TRPC4: variants seen among roughly 807,000 people sequenced by gnomAD.
The protein encoded by TRPC4 is short transient receptor potential channel 4.
In TRPC4, 49 loss-of-function variants were observed where a neutral mutation model predicts 99.4. The observed-to-expected ratio is 0.49, with a 90% CI of 0.39 to 0.63. TRPC4 has a LOEUF of 0.63. Among genes scored for constraint, TRPC4 ranks in the 20% least tolerant of loss-of-function variants. The probability of loss-of-function intolerance (pLI) is 0.00; values close to 1 mark genes in which losing one functional copy is unlikely to be tolerated. For missense variants in TRPC4, 898 were observed against 1,152.9 expected (o/e 0.78, Z 3.20); for synonymous variants, 454 against 425.9 (o/e 1.07, Z -0.81).
At chr13:37,747,849 G>C (rs542741016) in intron 2 of TRPC4, among the ~76,000 whole-genome samples, 1 of 152,154 alleles carries the variant, frequency 6.6e-6, no homozygotes, top group African/African-American at 2.4e-5. Context: ...GTACTAGGGT[G>C]ACCACACTGC....
chr13:37,868,860 G>T (rs1959957375), intron 1 of TRPC4, among the ~76,000 whole-genome samples: 1 of 152,054 alleles, frequency 6.6e-6, no homozygotes, highest in South Asian at 2.1e-4. Flanking sequence ...CTAAACCCTC[G>T]ATGCCTTTCC....
intron 3 of TRPC4, among the ~76,000 whole-genome samples, chr13:37,730,067 C>T (rs898275155): frequency 2.9e-4 from 44 of 151,962 alleles, no homozygotes; most frequent in Admixed American, 8.5e-4. Flanking sequence ...AGAAAGACTA[C>T]GACAGAGAAA....
intron 8 of TRPC4, among the ~76,000 whole-genome samples, chr13:37,640,663 C>T (rs1057212035): frequency 2.0e-5 from 3 of 152,008 alleles, no homozygotes; most frequent in Non-Finnish European, 4.4e-5. Context: ...TACGGCTGGG[C>T]CACCAGATGG....
At chr13:37,867,309 T>G (rs1959825633) in intron 1 of TRPC4, among the ~76,000 whole-genome samples, 1 of 152,008 alleles carries the variant, frequency 6.6e-6, no homozygotes. Context: ...TGTTCCAATA[T>G]ATGCATCGAT....
chr13:37,640,091 A>G (rs1228761885), intron 8 of TRPC4, among the ~76,000 whole-genome samples: 1 of 152,016 alleles, frequency 6.6e-6, no homozygotes, highest in African/African-American at 2.4e-5. Flanking sequence ...TTAGAAAAAA[A>G]CCCTACATAA....
At chr13:37,755,873 T>C (rs1408473238) in intron 2 of TRPC4, among the ~76,000 whole-genome samples, 1 of 152,146 alleles carries the variant, frequency 6.6e-6, no homozygotes, top group African/African-American at 2.4e-5. Flanking sequence ...AAAAGGTGTT[T>C]GTTTTTTCAA....
chr13:37,813,200 A>T (rs1056534638), intron 1 of TRPC4, among the ~76,000 whole-genome samples: 2 of 151,960 alleles, frequency 1.3e-5, no homozygotes, highest in Non-Finnish European at 2.9e-5. Context: ...AGTTAATTTT[A>T]TGAGATAAAT....
intron 2 of TRPC4, among the ~76,000 whole-genome samples, chr13:37,767,861 C>T (rs1956425936): frequency 6.6e-6 from 1 of 151,264 alleles, no homozygotes. Context: ...TGGAAGAAAA[C>T]AGAAAAGACT....
chr13:37,725,335 A>G (rs1216544313), intron 3 of TRPC4, among the ~76,000 whole-genome samples: 1 of 152,110 alleles, frequency 6.6e-6, no homozygotes, highest in African/African-American at 2.4e-5. Context: ...ATAATGGCCA[A>G]CATTTCCCCA....
chr13:37,688,836 C>T (rs953713417), intron 4 of TRPC4, among the ~76,000 whole-genome samples: 40 of 152,186 alleles, frequency 2.6e-4, no homozygotes, highest in African/African-American at 9.4e-4. Flanking sequence ...AGGGGACACA[C>T]TTATAAGCCA....
At chr13:37,727,301 G>A (rs1955096537) in intron 3 of TRPC4, among the ~76,000 whole-genome samples, 2 of 152,106 alleles carry the variant, frequency 1.3e-5, no homozygotes, top group East Asian at 1.9e-4. Flanking sequence ...TCACAAATTT[G>A]TGAAAATTAA....
intron 6 of TRPC4, among the ~76,000 whole-genome samples, chr13:37,657,615 G>A (rs1952280021): frequency 6.6e-6 from 1 of 152,132 alleles, no homozygotes; most frequent in Admixed American, 6.5e-5. Context: ...AATATTATAA[G>A]TTATACAATA....
intron 1 of TRPC4, among the ~76,000 whole-genome samples, chr13:37,839,754 C>T (rs947611190): frequency 5.3e-5 from 8 of 152,090 alleles, no homozygotes; most frequent in Non-Finnish European, 1.2e-4. Flanking sequence ...ATCTATGTAG[C>T]ATCAAATCTG....
intron 2 of TRPC4, among the ~76,000 whole-genome samples, chr13:37,761,334 A>G (rs1956217281): frequency 6.6e-6 from 1 of 151,876 alleles, no homozygotes; most frequent in Non-Finnish European, 1.5e-5. Flanking sequence ...TAACTTCCTC[A>G]TGGTCATACA....
intron 1 of TRPC4, among the ~76,000 whole-genome samples, chr13:37,866,443 A>G (rs1959751814): frequency 1.3e-5 from 2 of 151,158 alleles, no homozygotes. Flanking sequence ...TTTTTTAAAC[A>G]TTTAAATACA....
intron 3 of TRPC4, among the ~76,000 whole-genome samples, chr13:37,739,797 G>T (rs961745928): frequency 3.3e-5 from 5 of 151,870 alleles, no homozygotes; most frequent in Non-Finnish European, 7.4e-5. Context: ...AGCCACTGCA[G>T]CTGGCCAGCA....
chr13:37,819,085 A>T (rs545633713), intron 1 of TRPC4, among the ~76,000 whole-genome samples: 1 of 152,166 alleles, frequency 6.6e-6, no homozygotes, highest in Admixed American at 6.6e-5. Context: ...AAAAAGCTTA[A>T]TATCACTGAT....
At chr13:37,706,952 A>G (rs1954301036) in intron 3 of TRPC4, among the ~76,000 whole-genome samples, 1 of 152,176 alleles carries the variant, frequency 6.6e-6, no homozygotes, top group African/African-American at 2.4e-5. Flanking sequence ...TATTTAAAAT[A>G]TAATAATGAT....
chr13:37,857,733 T>C (rs1467074811), intron 1 of TRPC4, among the ~76,000 whole-genome samples: 5 of 151,556 alleles, frequency 3.3e-5, no homozygotes, highest in Admixed American at 6.6e-5. Flanking sequence ...TGAAACTAGA[T>C]CTTTAAATCT....
Sources: gnomAD v4.1 joint callset for allele counts (sites outside exome capture counted in the v4.1 genomes callset) on GRCh38, gnomAD v4.1.1 for gene constraint, MANE v1.5 for transcripts, NCBI Gene and HGNC (gene_info 2026-07-23, HGNC 2026-07-21) for gene names.